Variants in CPNE4 observed in about 807,000 individuals in gnomAD.
The protein encoded by CPNE4 is copine-4.
CPNE4 carries 25 observed loss-of-function variants against 67.9 expected under a neutral mutation model. The ratio of observed to expected loss-of-function variants is 0.37; its 90% CI spans 0.27 to 0.51. CPNE4 has a LOEUF of 0.51. Ranked by LOEUF, CPNE4 falls within the 20% of genes least tolerant of loss-of-function variation. The probability of loss-of-function intolerance (pLI) is 0.93; values close to 1 mark genes in which losing one functional copy is unlikely to be tolerated. For synonymous variants in CPNE4, 242 were observed against 244.9 expected (o/e 0.99, Z 0.11); for missense variants, 464 against 690.8 (o/e 0.67, Z 3.68).
intron 7 of CPNE4, among the ~76,000 whole-genome samples, chr3:131,616,295 C>A (rs533041557): frequency 6.6e-6 from 1 of 152,240 alleles, no homozygotes; most frequent in East Asian, 1.9e-4. Context: ...AGAATAAATG[C>A]GAACCTCTGC....
chr3:131,786,291 A>T (rs1293310803), intron 2 of CPNE4, among the ~76,000 whole-genome samples: 1 of 151,992 alleles, frequency 6.6e-6, no homozygotes, highest in African/African-American at 2.4e-5. Context: ...TGTTTGGAAG[A>T]CAGAGTTCTT....
chr3:131,825,394 T>G (rs1276072308), intron 2 of CPNE4, among the ~76,000 whole-genome samples: 1 of 151,230 alleles, frequency 6.6e-6, no homozygotes, highest in East Asian at 1.9e-4. Context: ...CTCAAGAGGC[T>G]GAGGCAGGGG....
intron 6 of CPNE4, among the ~76,000 whole-genome samples, chr3:131,679,850 T>C (rs2080694006): frequency 6.6e-6 from 1 of 152,178 alleles, no homozygotes; most frequent in Non-Finnish European, 1.5e-5. Context: ...CTTGAGATTA[T>C]GTGATTAATT....
At chr3:131,952,951 T>A (rs2071812222) in intron 1 of CPNE4, among the ~76,000 whole-genome samples, 1 of 152,112 alleles carries the variant, frequency 6.6e-6, no homozygotes, top group African/African-American at 2.4e-5. Flanking sequence ...CCCCCAACCC[T>A]GTGCTCTCTG....
chr3:131,824,443 TTGAAAATACAACATGA>T (rs2085079365), intron 2 of CPNE4, among the ~76,000 whole-genome samples: 1 of 152,178 alleles, frequency 6.6e-6, no homozygotes, highest in South Asian at 2.1e-4. Context: ...TCAGCAACCT[TTGAAAATACAACATGA>T]TGAAAATACA....
chr3:131,628,175 C>T (rs1432542346), intron 7 of CPNE4, among the ~76,000 whole-genome samples: 1 of 152,156 alleles, frequency 6.6e-6, no homozygotes, highest in African/African-American at 2.4e-5. Flanking sequence ...CCACCCTGAT[C>T]AGTCAGCAGC....
chr3:131,563,232 A>T (rs1370945561), intron 11 of CPNE4, among the ~76,000 whole-genome samples: 2 of 152,040 alleles, frequency 1.3e-5, no homozygotes, highest in African/African-American at 4.8e-5. Flanking sequence ...AACCTAAAGG[A>T]TGGAGTTACT....
intron 14 of CPNE4, 138 bp from the exon 15 acceptor site, chr3:131,542,931 G>A (rs1344844910): frequency 6.3e-6 from 4 of 634,178 alleles, no homozygotes; most frequent in Non-Finnish European, 1.1e-5. Context: ...TTTTTTGAAT[G>A]TGCTGATAGT....
chr3:132,020,531 T>C (rs2107688523), intron 1 of CPNE4, among the ~76,000 whole-genome samples: 1 of 152,332 alleles, frequency 6.6e-6, no homozygotes, highest in Non-Finnish European at 1.5e-5. Flanking sequence ...GTATATGCTT[T>C]GAATTGGGAG....
At chr3:131,669,517 A>G (rs1204309131) in intron 7 of CPNE4, among the ~76,000 whole-genome samples, 158 bp downstream of exon 7, 1 of 152,210 alleles carries the variant, frequency 6.6e-6, no homozygotes, top group Non-Finnish European at 1.5e-5. Flanking sequence ...CTCTAGAAGA[A>G]GAAATAGCCC....
At chr3:131,800,204 G>C (rs2084051665) in intron 2 of CPNE4, among the ~76,000 whole-genome samples, 1 of 151,918 alleles carries the variant, frequency 6.6e-6, no homozygotes, top group South Asian at 2.1e-4. Context: ...TATCCAATGT[G>C]TACCTCCCAC....
chr3:131,755,777 A>G (rs1268858385), intron 2 of CPNE4, among the ~76,000 whole-genome samples: 4 of 152,230 alleles, frequency 2.6e-5, no homozygotes, highest in African/African-American at 9.6e-5. Context: ...TGTAAAATAA[A>G]TCATATTAGG....
At chr3:131,650,658 T>C (rs1021932431) in intron 7 of CPNE4, among the ~76,000 whole-genome samples, 1 of 131,488 alleles carries the variant, frequency 7.6e-6, no homozygotes, top group Non-Finnish European at 1.5e-5. Flanking sequence ...GGCAGGAGAA[T>C]GGCGTGAACC....
At chr3:131,707,393 C>T (rs377520766) in intron 3 of CPNE4, among the ~76,000 whole-genome samples, 2 of 152,152 alleles carry the variant, frequency 1.3e-5, no homozygotes, top group African/African-American at 4.8e-5. Flanking sequence ...GAATTGGGGC[C>T]CACCTGGTTA....
chr3:131,669,828 A>G, intron 6 of CPNE4, 64 bp from the exon 7 acceptor site: 2 of 1,248,198 alleles, frequency 1.6e-6, no homozygotes, highest in East Asian at 2.3e-5. Context: ...ACATTTCCAC[A>G]TTAAAACTGC....
At chr3:131,595,817 G>C (rs1938807668) in intron 7 of CPNE4, among the ~76,000 whole-genome samples, 1 of 152,096 alleles carries the variant, frequency 6.6e-6, no homozygotes, top group Non-Finnish European at 1.5e-5. Context: ...GATTTGGAAG[G>C]GATGAATATC....
At chr3:131,717,871 T>TCCC (rs370808961) in intron 3 of CPNE4, among the ~76,000 whole-genome samples, 17,532 of 86,850 alleles carry the variant, frequency 0.2, 2,859 homozygotes, top group East Asian at 0.3. Flanking sequence ...CTTTCTTTCT[T>TCCC]TCTTTTCTTT....
chr3:131,940,971 G>A (rs183694815), intron 1 of CPNE4, among the ~76,000 whole-genome samples: 1 of 152,168 alleles, frequency 6.6e-6, no homozygotes, highest in African/African-American at 2.4e-5. Flanking sequence ...GGACTCCGAG[G>A]AGTAGGATGG....
chr3:131,640,585 T>C (rs1200692605), intron 7 of CPNE4, among the ~76,000 whole-genome samples: 1 of 152,032 alleles, frequency 6.6e-6, no homozygotes, highest in Admixed American at 6.5e-5. Flanking sequence ...AAAATGACCA[T>C]ACTGCCAAAA....
Sources: gnomAD v4.1 joint callset for allele counts (sites outside exome capture counted in the v4.1 genomes callset) on GRCh38, gnomAD v4.1.1 for gene constraint, MANE v1.5 for transcripts, NCBI Gene and HGNC (gene_info 2026-07-23, HGNC 2026-07-21) for gene names.